MYO7A: variants seen among roughly 807,000 people sequenced by gnomAD.
MYO7A encodes the protein myosin VIIA.
In MYO7A, 210 loss-of-function variants were observed where a neutral mutation model predicts 263.8. The ratio of observed to expected loss-of-function variants is 0.80; its 90% confidence interval spans 0.71 to 0.89. MYO7A has a LOEUF of 0.89. Among genes scored for constraint, MYO7A ranks in the 40% least tolerant of loss-of-function variants. The pLI, the probability that MYO7A is intolerant of heterozygous loss-of-function variation, is 0.00. For missense variants in MYO7A, 2,820 were observed against 2,968.3 expected (o/e 0.95, Z 1.16); for synonymous variants, 1,239 against 1,197.3 (o/e 1.03, Z -0.72).
chr11:77,139,500 C>T (rs1231453598), intron 2 of MYO7A: 1 of 152,140 alleles, frequency 6.6e-6, no homozygotes, highest in Middle Eastern at 3.2e-3. Context: ...AAGCAAGGCG[C>T]CCCATACAGT....
rs782441101 is a variant in MYO7A at position 77,161,007 on chromosome 11, A to C, written c.1235A>C (p.Asp412Ala). Reference sequence around the variant, plus strand: ...GGGCGGCTGTTCGTGTGGATTGTGGACAAGATCAACGCAGCAATTTACAAG... The same window carrying C: ...GGGCGGCTGTTCGTGTGGATTGTGGCCAAGATCAACGCAGCAATTTACAAG... Reference protein sequence around the residue: ...IYGRLFVWIVDKINAAIYKPP... With the variant: ...IYGRLFVWIVAKINAAIYKPP... The change falls in exon 12 of 49, where the codon GAC (aspartate) becomes GCC (alanine). Residue 412 changes from aspartate to alanine, a missense_variant. Asp to Ala is a moderately radical substitution (Grantham distance 126). Transcript: ENST00000409709. 6.2e-7 allele frequency: 1 copy of C among 1,612,302 alleles called. No homozygotes were observed. The highest frequency in any genetic ancestry group is 2.2e-5 in the East Asian group (1 of 44,830).
At chr11:77,156,597 A>C (rs1231909030) in intron 5 of MYO7A, 63 bp from the exon 6 acceptor site, 3 of 1,601,922 alleles carry the variant, frequency 1.9e-6, no homozygotes, top group South Asian at 2.2e-5. Flanking sequence ...GCCTGGGCTG[A>C]GTTCCAGTTG....
chr11:77,148,610 C>T (rs990553666), intron 4 of MYO7A, among the ~76,000 whole-genome samples: 1 of 152,164 alleles, frequency 6.6e-6, no homozygotes, highest in Admixed American at 6.5e-5. Flanking sequence ...ACTTTTTGGT[C>T]ACAGGGACCC....
At chr11:77,181,680 C>G in intron 23 of MYO7A, 91 bp downstream of exon 23, 1 of 1,266,826 alleles carries the variant, frequency 7.9e-7, no homozygotes, top group Non-Finnish European at 1.1e-6. Context: ...TAAAGCCCAC[C>G]CAGTCCCTCT....
chr11:77,193,722 A>G (rs1290255509), intron 31 of MYO7A, among the ~76,000 whole-genome samples: 1 of 152,170 alleles, frequency 6.6e-6, no homozygotes, highest in Non-Finnish European at 1.5e-5. Context: ...GCCTTTCTCT[A>G]TGCCCTTGCT....
chr11:77,182,628 G>A (rs1955339800), intron 25 of MYO7A, 28 bp downstream of exon 25: 1 of 1,611,402 alleles, frequency 6.2e-7, no homozygotes, highest in East Asian at 2.2e-5. Flanking sequence ...TCTGGATGAT[G>A]TCCCTCCCAG....
intron 23 of MYO7A, 97 bp downstream of exon 23, chr11:77,181,686 C>T (rs2135488723): frequency 1.7e-6 from 2 of 1,209,436 alleles, no homozygotes; most frequent in South Asian, 2.9e-5. Context: ...CCACCCAGTC[C>T]CTCTGAACAG....
In MYO7A at chr11:77,174,747, G is replaced by T; in HGVS notation, c.1936-9G>T. 6.4e-7 allele frequency: 1 copy of T among 1,572,976 alleles called. No homozygotes were observed. On this transcript the variant is annotated splice_polypyrimidine_tract_variant and intron_variant, in intron 16 of 48. Coordinates refer to ENST00000409709, the MANE Select transcript of MYO7A (RefSeq NM_000260.4). ...TTGGCCCTGATGCCCTTGGCTGTGTGCCTGGCAGCTGTTCGACCGGCACCT... is the reference window on the plus strand; with the variant it reads ...TTGGCCCTGATGCCCTTGGCTGTGTTCCTGGCAGCTGTTCGACCGGCACCT...
intron 14 of MYO7A, among the ~76,000 whole-genome samples, chr11:77,164,058 AC>A (rs1348921179): frequency 6.6e-6 from 1 of 152,050 alleles, no homozygotes; most frequent in Non-Finnish European, 1.5e-5. Flanking sequence ...CAGCCCAGTT[AC>A]CCCCTAAGAC....
chr11:77,165,192 G>A (rs1953416714), intron 14 of MYO7A, among the ~76,000 whole-genome samples: 2 of 152,150 alleles, frequency 1.3e-5, no homozygotes. Flanking sequence ...CCCTCCCCAG[G>A]TGCCAGGCGG....
At chr11:77,176,796 G>A (rs1005592244) in intron 18 of MYO7A, among the ~76,000 whole-genome samples, 2 of 152,200 alleles carry the variant, frequency 1.3e-5, no homozygotes, top group Non-Finnish European at 2.9e-5. Context: ...CCTCCCCAAG[G>A]GCAGGGGCCA....
At chr11:77,203,724 G>A (rs1957240419) in intron 38 of MYO7A, among the ~76,000 whole-genome samples, 1 of 152,184 alleles carries the variant, frequency 6.6e-6, no homozygotes, top group South Asian at 2.1e-4. Context: ...AGGGCTCCGG[G>A]GCTTCAGCAC....
rs1357999829 is a variant in MYO7A at position 77,211,138 on chromosome 11, T to C, written c.6052-14T>C. 1.3e-6 allele frequency: 2 copies of C among 1,556,552 alleles called. No homozygotes were observed. The highest frequency in any genetic ancestry group is 3.8e-5 in the Admixed American group (2 of 52,904). On this transcript the variant is annotated splice_polypyrimidine_tract_variant and intron_variant, in intron 44 of 48. Coordinates refer to ENST00000409709, the MANE Select transcript of MYO7A (RefSeq NM_000260.4). The stretch of plus-strand genomic sequence containing the variant: ...AGGTCCCTGCACGCCTGTGACCTGC[T>C]CTGTCTCTGACAGGAGTTGCCCAAG...
At chr11:77,171,802 C>T (rs1186596064) in intron 15 of MYO7A, among the ~76,000 whole-genome samples, 5 of 152,218 alleles carry the variant, frequency 3.3e-5, no homozygotes, top group African/African-American at 1.2e-4. Flanking sequence ...GTGTCCAGTT[C>T]CCATCAGTCC....
At chr11:77,204,686 G>C (rs576957902) in intron 39 of MYO7A, among the ~76,000 whole-genome samples, 1 of 152,186 alleles carries the variant, frequency 6.6e-6, no homozygotes, top group East Asian at 1.9e-4. Context: ...GACAGCCCAA[G>C]ACAGGAGTAG....
intron 31 of MYO7A, 92 bp from the exon 32 acceptor site, chr11:77,194,262 G>C (rs894837741): frequency 7.0e-7 from 1 of 1,425,506 alleles, no homozygotes; most frequent in Non-Finnish European, 9.6e-7. Context: ...CAGGAGGCAG[G>C]GCCAGGAGAG....
intron 9 of MYO7A, among the ~76,000 whole-genome samples, chr11:77,158,951 TAGG>T (rs1555066448): frequency 1.3e-5 from 2 of 151,926 alleles, no homozygotes; most frequent in Non-Finnish European, 2.9e-5. Flanking sequence ...CCAGGCAGAG[TAGG>T]AGCCCCAGGA....
rs1565414739 is a variant in MYO7A, at chr11:77,182,471, C to A, written c.3156C>A (p.Leu1052=). ...CCATCCTCCGCTTCATGGGGGACCTCCCTGAGCCCAAGTACCACACAGCCA... is the reference window on the plus strand; with the variant it reads ...CCATCCTCCGCTTCATGGGGGACCTACCTGAGCCCAAGTACCACACAGCCA... The part of the protein sequence containing the change: ...WITILRFMGD[L]PEPKYHTAMS... The change falls in exon 25 of 49, where the codon CTC becomes CTA. Residue 1052 remains leucine, a synonymous_variant. Coordinates refer to ENST00000409709, the MANE Select transcript of MYO7A (RefSeq NM_000260.4). 6.2e-7 allele frequency: 1 copy of A among 1,613,440 alleles called. No individual in the cohort carries two copies. The highest frequency in any genetic ancestry group is 8.5e-7 in the Non-Finnish European group (1 of 1,179,844).
intron 2 of MYO7A, among the ~76,000 whole-genome samples, chr11:77,140,873 T>C (rs1231045151): frequency 6.6e-6 from 1 of 152,212 alleles, no homozygotes; most frequent in Non-Finnish European, 1.5e-5. Flanking sequence ...CCTGACTCTA[T>C]CATGTGCCAA....
Sources: allele counts gnomAD v4.1 joint callset (sites outside exome capture counted in the v4.1 genomes callset), GRCh38; gene constraint gnomAD v4.1.1; transcripts MANE v1.5; gene names NCBI Gene and HGNC (gene_info 2026-07-23, HGNC 2026-07-21).